RALYL: variants seen among roughly 807,000 people sequenced by gnomAD.
RALYL encodes the protein RNA-binding Raly-like protein.
Under a neutral mutation model 35.1 loss-of-function variants are expected in RALYL, and 29 were observed. The ratio of observed to expected loss-of-function variants is 0.83; its 90% CI spans 0.61 to 1.13. RALYL has a LOEUF of 1.13. Among genes scored for constraint, RALYL ranks in the 50% most tolerant of loss-of-function variants. The pLI, the probability that RALYL is intolerant of heterozygous loss-of-function variation, is 0.00. For synonymous variants in RALYL, 120 were observed against 127.6 expected (o/e 0.94, Z 0.40); for missense variants, 359 against 360.4 (o/e 1.00, Z 0.03).
At chr8:84,803,801 C>A (rs17797476) in intron 3 of RALYL, among the ~76,000 whole-genome samples, 5,113 of 152,260 alleles carry the variant, frequency 0.034, 137 homozygotes, top group Non-Finnish European at 0.054. Context: ...TTAGTGCCTT[C>A]GTTGTTTGGA....
chr8:84,206,331 G>A (rs546875036), intron 1 of RALYL, among the ~76,000 whole-genome samples: 2 of 152,050 alleles, frequency 1.3e-5, no homozygotes, highest in Non-Finnish European at 2.9e-5. Flanking sequence ...AGCCTTCCTC[G>A]TGGTACCTAA....
intron 3 of RALYL, among the ~76,000 whole-genome samples, chr8:84,776,675 A>C (rs1382796524): frequency 6.6e-6 from 1 of 152,194 alleles, no homozygotes; most frequent in Non-Finnish European, 1.5e-5. Context: ...TTTATCATCA[A>C]AGAGTTGCTA....
intron 1 of RALYL, among the ~76,000 whole-genome samples, chr8:84,486,519 A>G (rs2054643494): frequency 6.6e-6 from 1 of 151,926 alleles, no homozygotes; most frequent in African/African-American, 2.4e-5. Context: ...AGAGGATTTA[A>G]ACAGATATGT....
intron 2 of RALYL, among the ~76,000 whole-genome samples, chr8:84,638,211 A>T (rs1480897607): frequency 6.6e-6 from 1 of 152,020 alleles, no homozygotes; most frequent in Non-Finnish European, 1.5e-5. Context: ...CTGAATGTTA[A>T]TTGGGTCAAC....
intron 1 of RALYL, among the ~76,000 whole-genome samples, chr8:84,491,985 GA>G (rs566309365): frequency 3.5e-4 from 53 of 151,212 alleles, no homozygotes; most frequent in Non-Finnish European, 6.9e-4. Flanking sequence ...AGTTTTAAAA[GA>G]AAAAAAATTC....
At chr8:84,223,174 CCT>C (rs1822851124) in intron 1 of RALYL, among the ~76,000 whole-genome samples, 8 of 86,982 alleles carry the variant, frequency 9.2e-5, no homozygotes, top group East Asian at 3.0e-4. Context: ...TCCTCCCTTC[CCT>C]TCCCTTCCCT....
intron 1 of RALYL, among the ~76,000 whole-genome samples, chr8:84,319,817 C>T (rs1368082747): frequency 6.6e-6 from 1 of 151,856 alleles, no homozygotes; most frequent in African/African-American, 2.4e-5. Context: ...GTTTCTGTTA[C>T]CCTTCCAAGG....
chr8:84,501,519 A>T (rs1289828705), intron 1 of RALYL, among the ~76,000 whole-genome samples: 1 of 152,062 alleles, frequency 6.6e-6, no homozygotes, highest in African/African-American at 2.4e-5. Flanking sequence ...CTGTGATGTC[A>T]TGGTCATTTC....
chr8:84,555,306 CAT>C (rs1300078716), intron 2 of RALYL, among the ~76,000 whole-genome samples: 96 of 151,824 alleles, frequency 6.3e-4, no homozygotes, highest in African/African-American at 2.1e-3. Context: ...CACACACACA[CAT>C]ATATATGTTG....
chr8:84,809,944 A>G (rs997480302), intron 4 of RALYL, among the ~76,000 whole-genome samples: 4 of 151,660 alleles, frequency 2.6e-5, no homozygotes, highest in African/African-American at 9.7e-5. Context: ...TTTTTGTTTC[A>G]TTTATCTTTT....
intron 1 of RALYL, among the ~76,000 whole-genome samples, chr8:84,395,842 G>C (rs979437153): frequency 4.0e-5 from 6 of 151,790 alleles, no homozygotes; most frequent in Admixed American, 2.0e-4. Context: ...AAAATACTTA[G>C]AAAACTTCCT....
At chr8:84,638,871 AATATATATATATATATATATATATAT>A (rs71273908) in intron 2 of RALYL, among the ~76,000 whole-genome samples, 23 of 86,278 alleles carry the variant, frequency 2.7e-4, no homozygotes, top group African/African-American at 6.1e-4. Flanking sequence ...TGCACGCATA[AATATATATATATATATATATATATAT>A]ATATATATAT....
chr8:84,755,651 G>T (rs1811207777), intron 2 of RALYL, among the ~76,000 whole-genome samples: 1 of 151,978 alleles, frequency 6.6e-6, no homozygotes. Context: ...CTTGTTAAGT[G>T]ATAAGAAATC....
intron 1 of RALYL, among the ~76,000 whole-genome samples, chr8:84,514,104 A>AG (rs1309520563): frequency 7.2e-6 from 1 of 139,620 alleles, no homozygotes; most frequent in East Asian, 2.0e-4. Context: ...AAAAAAAAAA[A>AG]AAAAAAAAAA....
chr8:84,670,073 T>TCTTTTTTTC (rs1832907650), intron 2 of RALYL, among the ~76,000 whole-genome samples: 1 of 152,114 alleles, frequency 6.6e-6, no homozygotes, highest in African/African-American at 2.4e-5. Context: ...GAAACAGGGC[T>TCTTTTTTTC]CTTTTTTTCC....
chr8:84,227,922 G>A (rs1229419825), intron 1 of RALYL, among the ~76,000 whole-genome samples: 1 of 151,992 alleles, frequency 6.6e-6, no homozygotes, highest in East Asian at 1.9e-4. Context: ...ACTACTTTGT[G>A]TCTACCATCA....
intron 2 of RALYL, among the ~76,000 whole-genome samples, chr8:84,617,245 G>C (rs953272481): frequency 4.0e-5 from 6 of 151,662 alleles, no homozygotes; most frequent in Non-Finnish European, 5.9e-5. Flanking sequence ...TCTTCCATTT[G>C]TTTGTATCCT....
chr8:84,886,474 G>A (rs1451753772), intron 7 of RALYL, among the ~76,000 whole-genome samples: 1 of 151,946 alleles, frequency 6.6e-6, no homozygotes, highest in Non-Finnish European at 1.5e-5. Flanking sequence ...CAATAAATAA[G>A]ATAAAAAATT....
intron 4 of RALYL, among the ~76,000 whole-genome samples, chr8:84,805,958 G>A (rs968880206): frequency 2.0e-5 from 3 of 152,130 alleles, no homozygotes; most frequent in African/African-American, 7.2e-5. Context: ...GTCATATATA[G>A]GCAGCCACAA....
Sources: allele counts gnomAD v4.1 joint callset (sites outside exome capture counted in the v4.1 genomes callset), GRCh38; gene constraint gnomAD v4.1.1; transcripts MANE v1.5; gene names NCBI Gene and HGNC (gene_info 2026-07-23, HGNC 2026-07-21).